Variants in TDRD9 observed in about 807,000 individuals in gnomAD.
TDRD9 encodes ATP-dependent RNA helicase TDRD9.
Under a neutral mutation model 172.6 loss-of-function variants are expected in TDRD9, and 124 were observed. The ratio of observed to expected loss-of-function variants is 0.72; its 90% CI spans 0.62 to 0.83. The LOEUF is 0.83. TDRD9 is among the 40% of genes least tolerant of loss of function. The probability of loss-of-function intolerance (pLI) is 0.00; values close to 1 mark genes in which losing one functional copy is unlikely to be tolerated. For synonymous variants in TDRD9, 619 were observed against 617.1 expected (o/e 1.00, Z -0.05); for missense variants, 1,479 against 1,714.1 (o/e 0.86, Z 2.42).
intron 28 of TDRD9, among the ~76,000 whole-genome samples, chr14:104,030,391 T>C (rs2035246112): frequency 6.6e-6 from 1 of 152,186 alleles, no homozygotes; most frequent in Non-Finnish European, 1.5e-5. Context: ...CTCAGGAGGC[T>C]GAGGCAGGAG....
intron 20 of TDRD9, among the ~76,000 whole-genome samples, chr14:104,009,096 A>G (rs1011868957): frequency 3.3e-5 from 5 of 152,248 alleles, no homozygotes; most frequent in African/African-American, 1.2e-4. Flanking sequence ...CCTAGGCTGT[A>G]TAGTGTAGCC....
intron 5 of TDRD9, among the ~76,000 whole-genome samples, chr14:103,969,000 T>A (rs1392814311): frequency 6.8e-6 from 1 of 147,836 alleles, no homozygotes; most frequent in Non-Finnish European, 1.5e-5. Context: ...CTCGGGAGGC[T>A]GAGGCCGGAG....
At chr14:104,030,504 C>T (rs545445922) in intron 28 of TDRD9, among the ~76,000 whole-genome samples, 1 of 152,244 alleles carries the variant, frequency 6.6e-6, no homozygotes, top group South Asian at 2.1e-4. Flanking sequence ...AGCAAACGAA[C>T]AAACAAAAAC....
chr14:103,946,124 C>A (rs1249625426), intron 1 of TDRD9, among the ~76,000 whole-genome samples: 3 of 151,976 alleles, frequency 2.0e-5, no homozygotes, highest in Non-Finnish European at 4.4e-5. Context: ...TGCCACCATG[C>A]CTGACTAATT....
At chr14:104,029,157 G>T (rs954105025) in intron 28 of TDRD9, among the ~76,000 whole-genome samples, 2 of 152,056 alleles carry the variant, frequency 1.3e-5, no homozygotes, top group African/African-American at 4.8e-5. Flanking sequence ...GATTGCTTTG[G>T]CTTTTGGGGT....
At chr14:103,963,322 T>TG (rs1198932201) in intron 3 of TDRD9, 146 bp downstream of exon 3, 1 of 536,640 alleles carries the variant, frequency 1.9e-6, no homozygotes, top group African/African-American at 2.0e-5. Flanking sequence ...GAGGAGGGTG[T>TG]GCTCAGGCCA....
intron 8 of TDRD9, among the ~76,000 whole-genome samples, chr14:103,989,451 T>G (rs1306865034): frequency 6.6e-6 from 1 of 152,206 alleles, no homozygotes; most frequent in African/African-American, 2.4e-5. Flanking sequence ...ACTGAGCTCC[T>G]TGGCAGGAGG....
intron 4 of TDRD9, 132 bp from the exon 5 acceptor site, chr14:103,966,577 T>G: frequency 1.1e-6 from 1 of 949,734 alleles, no homozygotes; most frequent in Non-Finnish European, 1.5e-6. Context: ...AATGTCACTT[T>G]TAATTTGGAG....
At chr14:104,049,102 G>A (rs2035864578) in intron 34 of TDRD9, among the ~76,000 whole-genome samples, 1 of 123,684 alleles carries the variant, frequency 8.1e-6, no homozygotes, top group Non-Finnish European at 1.7e-5. Flanking sequence ...TTGTTGGTAT[G>A]TATGTATGTA....
At position 104,006,831 on chromosome 14, in the gene TDRD9, G is replaced by T; in HGVS notation, c.1993G>T (p.Val665Phe). 6.2e-7 allele frequency: 1 copy of T among 1,612,870 alleles called. No individual in the cohort carries two copies. ...TAGCAAGAGTGACTGTATTGCACTT[G>T]TTGAGGCATTTAAAGTAAGTTTTCT... ...GSSKSDCIAL[V>F]EAFKTWKACR... The change falls in exon 18 of 36, where the codon GTT becomes TTT. Residue 665 changes from valine (V) to phenylalanine (F), a missense_variant. Physicochemically the swap from Val to Phe is conservative, Grantham distance 50 (BLOSUM62 -1). This residue lies in a region of TDRD9 where 1,413 missense variants were observed against 1,649.1 expected (regional missense o/e 0.86). Coordinates refer to ENST00000409874, the MANE Select transcript of TDRD9 (RefSeq NM_153046.3).
At chr14:103,966,148 T>C (rs2032736342) in intron 4 of TDRD9, among the ~76,000 whole-genome samples, 1 of 152,096 alleles carries the variant, frequency 6.6e-6, no homozygotes, top group African/African-American at 2.4e-5. Flanking sequence ...CTGGCCAACA[T>C]GGTGAAACCC....
At chr14:103,945,585 G>T (rs2031514780) in intron 1 of TDRD9, 1 of 152,172 alleles carries the variant, frequency 6.6e-6, no homozygotes, top group Non-Finnish European at 1.5e-5. Context: ...AAAATGAATT[G>T]TTTCTGATGA....
In TDRD9 at chr14:103,959,557, A is replaced by C. The variant is rs1277740668; in HGVS notation, c.323-3522A>C. On this transcript the variant is annotated intron_variant, in intron 2 of 35. Transcript: ENST00000409874. ...ATTTCTATTAAAACCATGAGATTAC[A>C]CTGATGCCTCTAATTCCAGTCCAGT... Among the ~76,000 whole-genome samples, 3 of 151,892 alleles carry C rather than the reference A, an allele frequency of 2.0e-5. No individual in the cohort carries two copies. In the East Asian group the frequency reaches 5.8e-4, roughly 29 times the overall value.
At chr14:104,049,799 G>A in intron 35 of TDRD9, 119 bp downstream of exon 35, 1 of 805,122 alleles carries the variant, frequency 1.2e-6, no homozygotes, top group Non-Finnish European at 2.0e-6. Flanking sequence ...GAGACAGGAG[G>A]CAAAGTGGAT....
intron 4 of TDRD9, 131 bp downstream of exon 4, chr14:103,965,685 C>G: frequency 2.4e-6 from 2 of 823,412 alleles, no homozygotes; most frequent in Non-Finnish European, 3.8e-6. Flanking sequence ...TGTCTCATGC[C>G]TGTAATCCCA....
At position 104,006,770 on chromosome 14, in the gene TDRD9, A is replaced by T. The variant is rs1476008062; in HGVS notation, c.1944-12A>T. On this transcript the variant is annotated splice_polypyrimidine_tract_variant and intron_variant, in intron 17 of 35. Coordinates refer to ENST00000409874, the MANE Select transcript of TDRD9 (RefSeq NM_153046.3). ...TTTAATGGTATTGAATGACACTGTT[A>T]TCTGTTTATAGGAACAAAGTGAATT... 1.6e-5 allele frequency: 26 copies of T among 1,613,426 alleles called. No homozygotes were observed. Among genetic ancestry groups the T allele is most frequent in the Non-Finnish European group, 2.2e-5 (26 of 1,179,616 alleles).
At chr14:104,005,212 G>A in intron 14 of TDRD9, 62 bp from the exon 15 acceptor site, 2 of 1,568,680 alleles carry the variant, frequency 1.3e-6, no homozygotes, top group Non-Finnish European at 1.7e-6. Context: ...CACTGGTTAT[G>A]TGAATCGGCT....
chr14:104,029,623 G>A (rs751874890), intron 28 of TDRD9, among the ~76,000 whole-genome samples: 10 of 152,018 alleles, frequency 6.6e-5, no homozygotes, highest in Non-Finnish European at 1.5e-4. Flanking sequence ...CTGCAAAGAG[G>A]GACATTTTGA....
At chr14:104,022,365 C>A (rs765255428) in intron 24 of TDRD9, 35 bp downstream of exon 24, 1 of 1,591,760 alleles carries the variant, frequency 6.3e-7, no homozygotes. Flanking sequence ...ACAGGCCGTG[C>A]CTGCTTTCAC....
Sources: allele counts gnomAD v4.1 joint callset (sites outside exome capture counted in the v4.1 genomes callset), GRCh38; gene constraint gnomAD v4.1.1; regional missense constraint gnomAD v4.1.1; transcripts MANE v1.5; gene names NCBI Gene and HGNC (gene_info 2026-07-23, HGNC 2026-07-21).